LINGO2: variants seen among roughly 807,000 people sequenced by gnomAD.
LINGO2 encodes leucine rich repeat and Ig domain containing 2.
A neutral mutation model predicts 30.6 loss-of-function variants in LINGO2; 14 were observed. That is an observed-to-expected ratio of 0.46 (90% CI 0.30 to 0.72). LINGO2 has a LOEUF of 0.72. Ranked by LOEUF, LINGO2 falls within the 30% of genes least tolerant of loss-of-function variation. LINGO2 has a pLI of 0.07. For synonymous variants in LINGO2, 317 were observed against 288.5 expected (o/e 1.10, Z -1.00); for missense variants, 729 against 751.7 (o/e 0.97, Z 0.35).
At chr9:28,710,345 G>A in the LINGO2 span, among the ~76,000 whole-genome samples, 2 of 151,964 alleles carry the variant, frequency 1.3e-5, no homozygotes, top group African/African-American at 2.4e-5. Context: ...ATTAATTTCA[G>A]TTGTTTATAA....
chr9:28,947,540 GCTATTGTGC>G, the LINGO2 span, among the ~76,000 whole-genome samples: 1 of 151,912 alleles, frequency 6.6e-6, no homozygotes, highest in Non-Finnish European at 1.5e-5. Context: ...ATTTGAGTCT[GCTATTGTGC>G]CCTACTCCAC....
the LINGO2 span, among the ~76,000 whole-genome samples, chr9:28,840,998 T>C: frequency 6.6e-6 from 1 of 151,906 alleles, no homozygotes; most frequent in Non-Finnish European, 1.5e-5. Flanking sequence ...CAAATACTTC[T>C]CGAGTTTCAT....
Position 28,631,673 on chromosome 9 carries a change from G to C in LINGO2, c.-365+38527C>G, listed in dbSNP as rs868343190. ...TATTTTATTGCTTGAGGAGTCCTTA[G>C]GTACAGATGGCAAACAGAAGCACAT... On this transcript the variant is annotated intron_variant, in intron 1 of 5. Transcript: ENST00000379992. Among the ~76,000 whole-genome samples the C allele has an allele frequency of 2.0e-5, 3 of 152,178 alleles. No individual in the cohort carries two copies. The South Asian group carries it at 6.2e-4, about 32-fold the overall frequency.
intron 4 of LINGO2, among the ~76,000 whole-genome samples, chr9:28,060,635 T>C (rs977612738): frequency 6.6e-6 from 1 of 152,158 alleles, no homozygotes; most frequent in Admixed American, 6.5e-5. Context: ...AGGCTAACTT[T>C]CCCTGCCCTC....
At chr9:29,188,805 A>T in the LINGO2 span, among the ~76,000 whole-genome samples, 1 of 131,164 alleles carries the variant, frequency 7.6e-6, no homozygotes, top group Non-Finnish European at 1.6e-5. Context: ...CACCTTCCGG[A>T]CAGGGCGGCT....
chr9:28,790,035 C>A, the LINGO2 span, among the ~76,000 whole-genome samples: 1 of 152,088 alleles, frequency 6.6e-6, no homozygotes, highest in Non-Finnish European at 1.5e-5. Flanking sequence ...TGGTCAACTG[C>A]GGTTCAAAAA....
chr9:29,013,287 C>A, the LINGO2 span, among the ~76,000 whole-genome samples: 1 of 152,084 alleles, frequency 6.6e-6, no homozygotes, highest in Non-Finnish European at 1.5e-5. Context: ...TAAATGGCAC[C>A]CCAGTGAGTT....
the LINGO2 span, among the ~76,000 whole-genome samples, chr9:28,903,437 A>C: frequency 6.6e-6 from 1 of 152,264 alleles, no homozygotes; most frequent in South Asian, 2.1e-4. Context: ...GATGAATTCT[A>C]TCTAACATTC....
chr9:28,040,474 A>T (rs552802006), intron 4 of LINGO2, among the ~76,000 whole-genome samples: 3 of 147,650 alleles, frequency 2.0e-5, no homozygotes, highest in Admixed American at 1.4e-4. Flanking sequence ...CACAAGACAG[A>T]TGGCTCTTCA....
intron 1 of LINGO2, among the ~76,000 whole-genome samples, chr9:28,506,484 A>ATG (rs1193954729): frequency 1.8e-4 from 11 of 60,936 alleles, no homozygotes; most frequent in African/African-American, 4.9e-4. Context: ...ACACACATAC[A>ATG]CATACACACA....
At chr9:29,107,295 T>A in the LINGO2 span, among the ~76,000 whole-genome samples, 5 of 152,122 alleles carry the variant, frequency 3.3e-5, no homozygotes, top group Non-Finnish European at 2.9e-5. Context: ...TTGTAACAAA[T>A]GATTTTTCTC....
At chr9:28,003,428 T>C (rs1822084371) in intron 5 of LINGO2, among the ~76,000 whole-genome samples, 1 of 151,950 alleles carries the variant, frequency 6.6e-6, no homozygotes, top group Non-Finnish European at 1.5e-5. Context: ...ATTTCAGTGT[T>C]TACTATTAGA....
At chr9:28,725,170 T>C in the LINGO2 span, among the ~76,000 whole-genome samples, 1 of 151,964 alleles carries the variant, frequency 6.6e-6, no homozygotes, top group African/African-American at 2.4e-5. Context: ...CAATATGAAC[T>C]CAATCAAAAA....
chr9:28,055,988 T>C (rs1436503678), intron 4 of LINGO2, among the ~76,000 whole-genome samples: 1 of 152,142 alleles, frequency 6.6e-6, no homozygotes, highest in Non-Finnish European at 1.5e-5. Flanking sequence ...CTTGAGACCT[T>C]CATTATGAGA....
chr9:28,189,701 G>GAGGGAGGAAGGAAGGAAGGAAGGA (rs1554684595), intron 4 of LINGO2, among the ~76,000 whole-genome samples: 2 of 16,600 alleles, frequency 1.2e-4, no homozygotes, highest in African/African-American at 1.8e-4. Context: ...GGAAGGGAGG[G>GAGGGAGGAAGGAAGGAAGGAAGGA]AGGAAGGAAG....
intron 4 of LINGO2, among the ~76,000 whole-genome samples, chr9:28,141,899 G>A (rs1827683367): frequency 1.3e-5 from 2 of 152,158 alleles, no homozygotes; most frequent in Non-Finnish European, 2.9e-5. Context: ...GTGACAGGGC[G>A]AGACTCCATC....
At chr9:28,440,265 A>C (rs1286088331) in intron 2 of LINGO2, among the ~76,000 whole-genome samples, 1 of 152,218 alleles carries the variant, frequency 6.6e-6, no homozygotes, top group African/African-American at 2.4e-5. Context: ...ACTAAGTATG[A>C]ATACATAAGA....
the LINGO2 span, among the ~76,000 whole-genome samples, chr9:28,893,624 T>C: frequency 1.6e-5 from 1 of 60,984 alleles, no homozygotes; most frequent in Admixed American, 1.7e-4. Flanking sequence ...AAATATCTTA[T>C]TGTTTTTAGT....
intron 4 of LINGO2, among the ~76,000 whole-genome samples, chr9:28,196,373 A>G (rs1304141953): frequency 6.6e-6 from 1 of 151,824 alleles, no homozygotes; most frequent in Non-Finnish European, 1.5e-5. Context: ...ATCAATTAAA[A>G]CTGTAGAAAG....
Sources: allele counts gnomAD v4.1 joint callset (sites outside exome capture counted in the v4.1 genomes callset), GRCh38; gene constraint gnomAD v4.1.1; transcripts MANE v1.5; gene names NCBI Gene and HGNC (gene_info 2026-07-23, HGNC 2026-07-21).